CCT2: variants seen among roughly 807,000 people sequenced by gnomAD.
The protein encoded by CCT2 is chaperonin containing TCP1 subunit 2, also known as T-complex protein 1 subunit beta.
CCT2 carries 18 observed loss-of-function variants against 61.8 expected under a neutral mutation model. The observed-to-expected ratio is 0.29, with a 90% CI of 0.20 to 0.43. The LOEUF is 0.43. CCT2 is among the 20% of genes least tolerant of loss of function. The pLI, the probability that CCT2 is intolerant of heterozygous loss-of-function variation, is 1.00. For missense variants in CCT2, 556 were observed against 656.9 expected, an observed-to-expected ratio of 0.85 and a Z score of 1.68; for synonymous variants, 248 against 215.9, an observed-to-expected ratio of 1.15 and a Z score of -1.30.
intron 9 of CCT2, 29 bp downstream of exon 9, chr12:69,593,132 T>A: frequency 6.3e-7 from 1 of 1,589,188 alleles, no homozygotes; most frequent in Non-Finnish European, 8.6e-7. Flanking sequence ...GAAAGGATTT[T>A]TTTCCATGAA....
chr12:69,590,524 T>G (rs1943365167), intron 7 of CCT2, among the ~76,000 whole-genome samples: 1 of 151,978 alleles, frequency 6.6e-6, no homozygotes, highest in Non-Finnish European at 1.5e-5. Flanking sequence ...CAAAATGGCC[T>G]GTCAAAAAGT....
At position 69,587,975 on chromosome 12, in the gene CCT2, C is replaced by T. The variant is rs2135849992; in HGVS notation, c.302C>T (p.Ser101Phe). 6.2e-7 allele frequency: 1 copy of T among 1,613,800 alleles called. No homozygotes were observed. Among genetic ancestry groups the T allele is most frequent in the South Asian group, 1.1e-5 (1 of 91,074 alleles). The part of the protein sequence containing the change: ...QDDEVGDGTT[S>F]VTVLAAELLR... ...GATGAAGTTGGTGATGGCACTACCT[C>T]TGTTACCGTTTTAGCAGCAGAATTA... The change falls in exon 5 of 16, where the codon TCT (serine) becomes TTT (phenylalanine). Residue 101 changes from serine to phenylalanine, a missense_variant. Physicochemically the swap from Ser to Phe is radical, Grantham distance 155 (BLOSUM62 -2). This residue lies in a region of CCT2 where 308 missense variants were observed against 350.6 expected (regional missense o/e 0.88). Transcript: ENST00000299300.
In CCT2 at chr12:69,597,758, A is replaced by G. The variant is rs768787570; in HGVS notation, c.1223A>G (p.Tyr408Cys). Residue 408 changes from tyrosine to cysteine, a missense_variant, in exon 12 of 16, where the codon TAT (tyrosine) becomes TGT (cysteine). Coordinates refer to ENST00000299300, the MANE Select transcript of CCT2 (RefSeq NM_006431.3). ...ACTGTAAAGGACTCTAGAACAGTTT[A>G]TGGAGGAGGTAAGCATTTAGAAAAT... The part of the protein sequence containing the change: ...AQTVKDSRTV[Y>C]GGGCSEMLMA... 25 of 1,610,690 alleles carry G rather than the reference A, an allele frequency of 1.6e-5. No individual in the cohort carries two copies. Among genetic ancestry groups the G allele is most frequent in the Non-Finnish European group, 2.0e-5 (23 of 1,177,752 alleles).
intron 14 of CCT2, 145 bp from the exon 15 acceptor site, chr12:69,599,718 C>A: frequency 1.8e-6 from 1 of 550,790 alleles, no homozygotes; most frequent in Non-Finnish European, 3.0e-6. Context: ...TTTCTTTGAG[C>A]TCATTTGTAG....
Position 69,601,515 on chromosome 12 carries a change from GATTTAAAA to G in CCT2, c.*192_*199del, listed in dbSNP as rs1314942242. 8.4e-6 allele frequency: 12 copies of G among 1,429,496 alleles called. No homozygotes were observed. The highest frequency in any genetic ancestry group is 8.2e-6 in the Non-Finnish European group (9 of 1,092,794). The allele number at this position is 1,429,496 out of a possible 1,614,324, so 88.6% of individuals were successfully genotyped here. A position where few individuals can be genotyped will look rare whatever the true frequency, so the allele number is the denominator to read the frequency against. On this transcript the variant is annotated 3_prime_UTR_variant, in exon 16 of 16. Coordinates refer to ENST00000299300, the MANE Select transcript of CCT2 (RefSeq NM_006431.3). ...GTGTCATTTTCCATACAAATCAGTT[GATTTAAAA>G]AAGTTCATTTCTCATACTGTGCATT...
chr12:69,587,890 A>G (rs1230317914), intron 4 of CCT2, 40 bp from the exon 5 acceptor site: 2 of 1,473,214 alleles, frequency 1.4e-6, no homozygotes, highest in African/African-American at 1.4e-5. Flanking sequence ...TTAGTAAGCA[A>G]AGAAGCAATT....
chr12:69,585,844 G>A, intron 1 of CCT2: 1 of 1,316,706 alleles, frequency 7.6e-7, no homozygotes, highest in South Asian at 1.8e-5. Context: ...TCTAGGGGCG[G>A]AGCCTGGAGC....
chr12:69,589,702 CAG>C lies in CCT2; in HGVS notation c.649+17_649+18del. On this transcript the variant is annotated intron_variant, in intron 7 of 15. Coordinates refer to ENST00000299300, the MANE Select transcript of CCT2 (RefSeq NM_006431.3). ...TTTAGATGAAGGTATGTATGAATGT[CAG>C]ATACAAGAAGCTTTGATTAGATGCT... The C allele has an allele frequency of 2.5e-6, 4 of 1,592,966 alleles. No individual in the cohort carries two copies. Among genetic ancestry groups the C allele is most frequent in the Non-Finnish European group, 3.4e-6 (4 of 1,165,726 alleles).
At chr12:69,587,427 G>C in intron 3 of CCT2, 78 bp from the exon 4 acceptor site, 2 of 825,662 alleles carry the variant, frequency 2.4e-6, no homozygotes, top group East Asian at 5.0e-5. Context: ...CACTAGCACT[G>C]TGTGAGAATA....
At chr12:69,598,154 A>G in intron 13 of CCT2, 83 bp downstream of exon 13, 1 of 1,089,992 alleles carries the variant, frequency 9.2e-7, no homozygotes, top group Non-Finnish European at 1.4e-6. Context: ...GAACTGGTTA[A>G]TACTGCTTTT....
intron 8 of CCT2, 81 bp downstream of exon 8, chr12:69,592,240 G>A: frequency 1.4e-6 from 1 of 739,388 alleles, no homozygotes; most frequent in Non-Finnish European, 2.3e-6. Flanking sequence ...AATTTGGGAG[G>A]CCAAGGTGGT....
At chr12:69,598,797 T>A (rs1266656848) in intron 14 of CCT2, among the ~76,000 whole-genome samples, 2 of 152,180 alleles carry the variant, frequency 1.3e-5, no homozygotes, top group Non-Finnish European at 2.9e-5. Context: ...TGAGTACAGA[T>A]CACAGATCTC....
chr12:69,593,305 T>C (rs1685427840), intron 9 of CCT2, among the ~76,000 whole-genome samples: 1 of 152,254 alleles, frequency 6.6e-6, no homozygotes, highest in Non-Finnish European at 1.5e-5. Flanking sequence ...ACAGTTACTA[T>C]AATAAAGAAC....
At chr12:69,598,456 A>G (rs1391430184) in intron 14 of CCT2, 35 bp downstream of exon 14, 7 of 1,322,820 alleles carry the variant, frequency 5.3e-6, no homozygotes, top group Non-Finnish European at 7.3e-6. Context: ...GGCCGTTGTT[A>G]AAAGTAACTC....
intron 7 of CCT2, chr12:69,589,898 T>G: frequency 5.2e-6 from 3 of 573,328 alleles, no homozygotes; most frequent in Non-Finnish European, 6.2e-6. Context: ...TAGAGTTTAC[T>G]TAACTACCAT....
chr12:69,598,331 A>G lies in CCT2; in HGVS notation c.1345A>G (p.Ile449Val). 4 of 1,584,648 alleles carry G rather than the reference A, an allele frequency of 2.5e-6. No individual in the cohort carries two copies. Among genetic ancestry groups the G allele is most frequent in the Non-Finnish European group, 3.4e-6 (4 of 1,167,644 alleles). ...TTCTTCATTTTCATAGTTGCCAACC[A>G]TCATAGCTGACAATGCAGGCTATGA... Reference protein sequence around the residue: ...YAKALRMLPTIIADNAGYDSA... With the variant: ...YAKALRMLPTVIADNAGYDSA... Residue 449 changes from isoleucine to valine, a missense_variant, in exon 14 of 16, where the codon ATC (isoleucine) becomes GTC (valine). By Grantham distance (29) the Ile-to-Val change is conservative (BLOSUM62 3). Coordinates refer to ENST00000299300, the MANE Select transcript of CCT2 (RefSeq NM_006431.3).
At chr12:69,600,025 GA>G in intron 15 of CCT2, 21 bp downstream of exon 15, 4 of 1,581,900 alleles carry the variant, frequency 2.5e-6, no homozygotes, top group South Asian at 1.2e-5. Flanking sequence ...ACTTTTCTCA[GA>G]AAAAATTACT....
intron 12 of CCT2, 49 bp from the exon 13 acceptor site, chr12:69,597,919 T>G (rs554184826): frequency 6.6e-7 from 1 of 1,507,068 alleles, no homozygotes; most frequent in South Asian, 1.2e-5. Context: ...ATTCAGTATC[T>G]TGGAGACAAC....
rs747002248 is a variant in CCT2, at chr12:69,601,318, C to T, written c.1601C>T (p.Pro534Leu). 4 of 1,608,752 alleles carry T rather than the reference C, an allele frequency of 2.5e-6. No individual in the cohort carries two copies. In the South Asian group the frequency reaches 3.4e-5, roughly 13 times the overall value. ...APRKRVPDHH[P>L]C ...AGGAAACGTGTCCCTGATCACCACC[C>T]CTGTTAAGCATTCCCACGTGCTGTC... is the stretch of plus-strand genomic sequence containing the variant. The change falls in exon 16 of 16, where the codon CCC becomes CTC. Residue 534 changes from proline to leucine, a missense_variant. Coordinates refer to ENST00000299300, the MANE Select transcript of CCT2 (RefSeq NM_006431.3).
Sources: gnomAD v4.1 joint callset for allele counts (sites outside exome capture counted in the v4.1 genomes callset) on GRCh38, gnomAD v4.1.1 for gene constraint, gnomAD v4.1.1 regional missense constraint, MANE v1.5 for transcripts, NCBI Gene and HGNC (gene_info 2026-07-23, HGNC 2026-07-21) for gene names.